LRCH3: variants seen among roughly 807,000 people sequenced by gnomAD.
LRCH3 encodes DISP complex protein LRCH3.
In LRCH3, 68 loss-of-function variants were observed where a neutral mutation model predicts 104.5. The ratio of observed to expected loss-of-function variants is 0.65; its 90% CI spans 0.54 to 0.80. The LOEUF (loss-of-function observed/expected upper bound fraction) is 0.80, where lower values mean the gene tolerates loss of function less well. Ranked by LOEUF, LRCH3 falls within the 30% of genes least tolerant of loss-of-function variation. The probability of loss-of-function intolerance (pLI) is 0.00; values close to 1 mark genes in which losing one functional copy is unlikely to be tolerated. For missense variants in LRCH3, 951 were observed against 953.9 expected (o/e 1.00, Z 0.04); for synonymous variants, 344 against 361.3 (o/e 0.95, Z 0.54).
At chr3:197,793,874 T>C (rs997277054) in intron 1 of LRCH3, among the ~76,000 whole-genome samples, 3 of 152,152 alleles carry the variant, frequency 2.0e-5, no homozygotes, top group Admixed American at 6.5e-5. Flanking sequence ...TAAAAAAAAA[T>C]CTTTGGCAGA....
At chr3:197,829,466 C>G (rs1201052770) in intron 5 of LRCH3, 98 bp from the exon 6 acceptor site, 6 of 654,740 alleles carry the variant, frequency 9.2e-6, no homozygotes, top group Admixed American at 3.0e-5. Flanking sequence ...AGAAATGCCT[C>G]CCTTTCCCAA....
chr3:197,855,255 A>G (rs943026991), intron 14 of LRCH3, among the ~76,000 whole-genome samples: 1 of 152,174 alleles, frequency 6.6e-6, no homozygotes, highest in Non-Finnish European at 1.5e-5. Flanking sequence ...GTATTCCACA[A>G]CCTTCATTTC....
chr3:197,817,915 G>T (rs1056164817), intron 3 of LRCH3, among the ~76,000 whole-genome samples: 4 of 152,140 alleles, frequency 2.6e-5, no homozygotes, highest in Admixed American at 2.0e-4. Flanking sequence ...TTGCCTCCCA[G>T]GTTCACGCCA....
intron 12 of LRCH3, 69 bp downstream of exon 12, chr3:197,848,090 T>C: frequency 2.0e-6 from 3 of 1,502,788 alleles, no homozygotes; most frequent in Non-Finnish European, 2.7e-6. Flanking sequence ...GTCAGGCCCG[T>C]TGGTTTTTAT....
At chr3:197,826,444 C>G (rs1358101064) in intron 4 of LRCH3, among the ~76,000 whole-genome samples, 1 of 152,116 alleles carries the variant, frequency 6.6e-6, no homozygotes, top group Non-Finnish European at 1.5e-5. Flanking sequence ...CCCTTAGTTC[C>G]GAGCATTTTT....
chr3:197,844,758 C>G (rs1329550864), intron 10 of LRCH3, among the ~76,000 whole-genome samples: 1 of 152,130 alleles, frequency 6.6e-6, no homozygotes, highest in Non-Finnish European at 1.5e-5. Flanking sequence ...GCTGGGACTA[C>G]AGGCGCGCAC....
At chr3:197,878,941 C>T (rs1184647501) in intron 20 of LRCH3, among the ~76,000 whole-genome samples, 1 of 152,162 alleles carries the variant, frequency 6.6e-6, no homozygotes, top group Non-Finnish European at 1.5e-5. Flanking sequence ...TTGTCAGATT[C>T]TATACCCAGG....
chr3:197,831,155 G>C (rs1003991708), intron 7 of LRCH3: 3 of 280,572 alleles, frequency 1.1e-5, no homozygotes, highest in Non-Finnish European at 2.1e-5. Context: ...AATCTGAGGT[G>C]GGGGGTAATC....
At chr3:197,825,629 G>A (rs491958) in intron 4 of LRCH3, among the ~76,000 whole-genome samples, 26 of 150,696 alleles carry the variant, frequency 1.7e-4, no homozygotes, top group Non-Finnish European at 3.1e-4. Context: ...ACAGGCGCCC[G>A]CCACCACGCC....
chr3:197,865,975 C>A, intron 16 of LRCH3, 137 bp from the exon 17 acceptor site: 1 of 648,662 alleles, frequency 1.5e-6, no homozygotes, highest in Non-Finnish European at 2.6e-6. Flanking sequence ...ATTTTCTGTA[C>A]CAGACTTTTC....
intron 1 of LRCH3, among the ~76,000 whole-genome samples, chr3:197,797,886 A>C (rs1035560353): frequency 3.5e-5 from 5 of 142,654 alleles, no homozygotes; most frequent in Admixed American, 1.4e-4. Context: ...AAAAAAACAA[A>C]AAAAAAAACA....
chr3:197,888,035 T>C lies in LRCH3; in HGVS notation c.*4369T>C, dbSNP rs1714372205. 6.6e-6 allele frequency: 1 copy of C among 152,264 alleles called. No homozygotes were observed. Among genetic ancestry groups the C allele is most frequent in the Non-Finnish European group, 1.5e-5 (1 of 68,052 alleles). The allele number at this position is 152,264 out of a possible 1,614,324, so 9.4% of individuals were successfully genotyped here. On this transcript the variant is annotated 3_prime_UTR_variant, in exon 21 of 21. Transcript: ENST00000425562. Reference sequence around the variant, plus strand: ...AGTAGATCACTTTTCTGAAGAGCTTTTTAAAATACAGCTAATCAAGGAGTT... The same window carrying C: ...AGTAGATCACTTTTCTGAAGAGCTTCTTAAAATACAGCTAATCAAGGAGTT...
chr3:197,817,359 T>TATATA, intron 3 of LRCH3, 57 bp downstream of exon 3: 1 of 122,308 alleles, frequency 8.2e-6, no homozygotes, highest in African/African-American at 1.2e-4. Context: ...TGTGTGTGTG[T>TATATA]GTATATATAT....
intron 8 of LRCH3, among the ~76,000 whole-genome samples, chr3:197,834,613 T>G (rs550088271): frequency 1.3e-5 from 2 of 152,350 alleles, no homozygotes; most frequent in African/African-American, 4.8e-5. Context: ...CACGGAGATA[T>G]TAAGCCCCAG....
intron 1 of LRCH3, among the ~76,000 whole-genome samples, chr3:197,792,755 G>C (rs892132689): frequency 6.0e-5 from 9 of 149,280 alleles, no homozygotes; most frequent in Non-Finnish European, 1.3e-4. Flanking sequence ...AGGCTCAGGT[G>C]ATCCTCCCAC....
chr3:197,821,759 C>A (rs922907687), intron 4 of LRCH3, among the ~76,000 whole-genome samples: 1 of 152,224 alleles, frequency 6.6e-6, no homozygotes, highest in African/African-American at 2.4e-5. Flanking sequence ...ACTGCAGCCT[C>A]GACCTCTCAG....
chr3:197,848,120 C>T, intron 12 of LRCH3, 99 bp downstream of exon 12: 4 of 1,212,598 alleles, frequency 3.3e-6, no homozygotes, highest in African/African-American at 1.5e-5. Flanking sequence ...AAATGTCGAC[C>T]ATTTTTCTCT....
chr3:197,791,602 G>T (rs1175075131), intron 1 of LRCH3, 62 bp downstream of exon 1: 1 of 1,467,900 alleles, frequency 6.8e-7, no homozygotes, highest in Admixed American at 2.9e-5. Context: ...CGCCCCGGCC[G>T]GGGGAGGCGG....
intron 1 of LRCH3, among the ~76,000 whole-genome samples, chr3:197,814,263 C>G (rs1353794995): frequency 6.6e-6 from 1 of 152,166 alleles, no homozygotes; most frequent in African/African-American, 2.4e-5. Context: ...AAAGTGGAAA[C>G]CCCTGATAAA....
Sources: gnomAD v4.1 joint callset for allele counts (sites outside exome capture counted in the v4.1 genomes callset) on GRCh38, gnomAD v4.1.1 for gene constraint, MANE v1.5 for transcripts, NCBI Gene and HGNC (gene_info 2026-07-23, HGNC 2026-07-21) for gene names.